Variants in SH3PXD2A observed in about 807,000 individuals in gnomAD.
SH3PXD2A encodes the protein SH3 and PX domain-containing protein 2A.
Under a neutral mutation model 115.2 loss-of-function variants are expected in SH3PXD2A, and 32 were observed. The observed-to-expected ratio is 0.28, with a 90% CI of 0.21 to 0.37. The LOEUF is 0.37. Among genes scored for constraint, SH3PXD2A ranks in the 10% least tolerant of loss-of-function variants. The pLI, the probability that SH3PXD2A is intolerant of heterozygous loss-of-function variation, is 1.00. For missense variants in SH3PXD2A, 1,328 were observed against 1,498.7 expected (o/e 0.89, Z 1.88); for synonymous variants, 610 against 629.1 (o/e 0.97, Z 0.45).
chr10:103,653,649 C>T (rs1217231574), intron 8 of SH3PXD2A, among the ~76,000 whole-genome samples: 1 of 152,186 alleles, frequency 6.6e-6, no homozygotes, highest in Non-Finnish European at 1.5e-5. Context: ...GGAGGGAGCA[C>T]CCCCATGCTC....
At chr10:103,822,551 G>C (rs374139509) in intron 1 of SH3PXD2A, among the ~76,000 whole-genome samples, 78 of 152,338 alleles carry the variant, frequency 5.1e-4, no homozygotes, top group African/African-American at 1.4e-3. Flanking sequence ...GCATGGTGGG[G>C]GGGGAGCAGC....
At chr10:103,803,071 G>C (rs1025541930) in intron 1 of SH3PXD2A, among the ~76,000 whole-genome samples, 1 of 152,198 alleles carries the variant, frequency 6.6e-6, no homozygotes, top group Non-Finnish European at 1.5e-5. Context: ...TGGCTGCTCC[G>C]GTGATACACA....
intron 2 of SH3PXD2A, among the ~76,000 whole-genome samples, chr10:103,792,488 C>T (rs552620552): frequency 5.9e-5 from 9 of 152,166 alleles, no homozygotes; most frequent in Non-Finnish European, 1.2e-4. Context: ...ACCTGTCTGG[C>T]GTCTCTGTGC....
chr10:103,629,883 G>A (rs538635434), intron 8 of SH3PXD2A, among the ~76,000 whole-genome samples: 1 of 152,240 alleles, frequency 6.6e-6, no homozygotes, highest in Non-Finnish European at 1.5e-5. Context: ...CTGGGGAGAG[G>A]AGGGGAGGAG....
intron 8 of SH3PXD2A, among the ~76,000 whole-genome samples, chr10:103,642,352 A>C (rs183040282): frequency 6.6e-6 from 1 of 152,198 alleles, no homozygotes; most frequent in African/African-American, 2.4e-5. Flanking sequence ...TTTGCTAGAC[A>C]GGGGTTAAAG....
intron 3 of SH3PXD2A, among the ~76,000 whole-genome samples, chr10:103,763,592 T>G (rs1338449969): frequency 2.0e-5 from 3 of 152,194 alleles, no homozygotes; most frequent in Non-Finnish European, 4.4e-5. Context: ...ACACCCTCCC[T>G]AGAGGCAAGG....
At chr10:103,695,794 T>A (rs984431959) in intron 5 of SH3PXD2A, among the ~76,000 whole-genome samples, 1 of 152,228 alleles carries the variant, frequency 6.6e-6, no homozygotes, top group Admixed American at 6.5e-5. Flanking sequence ...AACGTGCTTG[T>A]AGTGCTGAAG....
chr10:103,605,857 C>T lies in SH3PXD2A; in HGVS notation c.1369G>A (p.Ala457Thr), dbSNP rs948607166. ...TCGGAAATGCACGACTGGAATTCGG[C>T]AATGGTGTAGTACTCCACCTCAACA... The part of the protein sequence containing the change: ...PSVEVEYYTI[A>T]EFQSCISDGI... Residue 457 changes from alanine to threonine, a missense_variant, in exon 14 of 15, where the codon GCC becomes ACC. Transcript: ENST00000369774. 6.2e-7 allele frequency: 1 copy of T among 1,612,618 alleles called. No homozygotes were observed. Among genetic ancestry groups the T allele is most frequent in the Non-Finnish European group, 8.5e-7 (1 of 1,178,670 alleles).
chr10:103,647,731 C>G (rs2037055950), intron 8 of SH3PXD2A, among the ~76,000 whole-genome samples: 1 of 152,160 alleles, frequency 6.6e-6, no homozygotes, highest in Non-Finnish European at 1.5e-5. Context: ...AAGGAGCAGC[C>G]AGTTAAAATC....
At chr10:103,645,031 G>A (rs1242207277) in intron 8 of SH3PXD2A, among the ~76,000 whole-genome samples, 3 of 152,132 alleles carry the variant, frequency 2.0e-5, no homozygotes, top group South Asian at 4.1e-4. Flanking sequence ...CCCAGGCCCC[G>A]TCCTTCAAAG....
intron 2 of SH3PXD2A, among the ~76,000 whole-genome samples, chr10:103,770,812 A>AT (rs2038809538): frequency 6.6e-6 from 1 of 152,090 alleles, no homozygotes; most frequent in South Asian, 2.1e-4. Flanking sequence ...CTACTGTTGG[A>AT]TATTTAGGTT....
At position 103,594,416 on chromosome 10, in the gene SH3PXD2A, G is replaced by A. The variant is rs2036106133; in HGVS notation, c.*7400C>T. ...GGAAAGAAGGAAAACCTGGAGGAAG[G>A]GCTCCTCCTGACCCCACAGAGCCCA... On this transcript the variant is annotated 3_prime_UTR_variant, in exon 15 of 15. Coordinates refer to ENST00000369774, the MANE Select transcript of SH3PXD2A (RefSeq NM_001394015.1). 6.6e-6 allele frequency: 1 copy of A among 152,436 alleles called. No individual in the cohort carries two copies. The allele number at this position is 152,436 out of a possible 1,614,324, so 9.4% of individuals were successfully genotyped here.
At position 103,603,383 on chromosome 10, in the gene SH3PXD2A, A is replaced by G. The variant is rs2036250298; in HGVS notation, c.1835T>C (p.Val612Ala). The G allele has an allele frequency of 6.2e-7, 1 of 1,614,172 alleles. No individual in the cohort carries two copies. The highest frequency in any genetic ancestry group is 8.5e-7 in the Non-Finnish European group (1 of 1,180,024). ...RFKVGESSED[V>A]ALEEETIYEN... is the part of the protein sequence containing the mutation. ...ATAGATGGTCTCCTCTTCCAGGGCC[A>G]CATCCTCTGAAGACTCACCCACCTT... The change falls in exon 15 of 15, where the codon GTG (valine) becomes GCG (alanine). Residue 612 changes from valine (V) to alanine (A), a missense_variant. Val to Ala is a moderately conservative substitution (Grantham distance 64). Coordinates refer to ENST00000369774, the MANE Select transcript of SH3PXD2A (RefSeq NM_001394015.1).
Position 103,748,747 on chromosome 10 carries a change from G to GC in SH3PXD2A, c.230-12940dup, listed in dbSNP as rs749060196. Among the ~76,000 whole-genome samples the GC allele has an allele frequency of 9.4e-4, 143 of 152,270 alleles. No homozygotes were observed. The Middle Eastern group carries it at 0.01, about 11-fold the overall frequency. ...GCTGAAGGGAGTCCAGTGGGTACGT[G>GC]CATCAGGACGCATGCTGGGAGGTCC... On this transcript the variant is annotated intron_variant, in intron 3 of 14. Transcript: ENST00000369774.
At chr10:103,736,754 G>A (rs775488602) in intron 3 of SH3PXD2A, 4 of 1,288,852 alleles carry the variant, frequency 3.1e-6, no homozygotes, top group Non-Finnish European at 4.0e-6. Context: ...TGGGGCCCAT[G>A]AGCTTGGCAC....
intron 2 of SH3PXD2A, among the ~76,000 whole-genome samples, chr10:103,777,350 G>C (rs1206474245): frequency 6.6e-6 from 1 of 152,250 alleles, no homozygotes; most frequent in East Asian, 1.9e-4. Context: ...ACTGAGAGGG[G>C]TGGATGGGTC....
At chr10:103,608,486 C>A (rs1025559192) in intron 13 of SH3PXD2A, 4 of 148,226 alleles carry the variant, frequency 2.7e-5, no homozygotes, top group Admixed American at 2.7e-4. Context: ...AGAATTTCAT[C>A]GAATTTACAG....
rs1417640100 is a variant in SH3PXD2A at position 103,855,537 on chromosome 10, C to G, written c.-271G>C. On this transcript the variant is annotated 5_prime_UTR_variant, in exon 1 of 15. Coordinates refer to ENST00000369774, the MANE Select transcript of SH3PXD2A (RefSeq NM_001394015.1). ...GCGCGGCCGCCGCGCTGCGCTCGCC[C>G]GCTCGCTCTCTCCGCCGCCCGGTGG... 6.6e-6 allele frequency: 1 copy of G among 151,014 alleles called. No homozygotes were observed. Among genetic ancestry groups the G allele is most frequent in the Admixed American group, 6.6e-5 (1 of 15,186 alleles). The allele number at this position is 151,014 out of a possible 1,614,324, so 9.4% of individuals were successfully genotyped here. A position where few individuals can be genotyped will look rare whatever the true frequency, so the allele number is the denominator to read the frequency against.
rs1268109213 is a variant in SH3PXD2A, at chr10:103,693,076, A to G, written c.399-20T>C. 5 of 1,612,610 alleles carry G rather than the reference A, an allele frequency of 3.1e-6. No individual in the cohort carries two copies. In the African/African-American group the frequency reaches 4.0e-5, roughly 13 times the overall value. On this transcript the variant is annotated intron_variant, in intron 5 of 14. Transcript: ENST00000369774. Reference sequence around the variant, plus strand: ...TAGTCCCTGAAAAAGAAGCAACAACAGATAGACATGGTTAGGGCCGGGCGC... The same window carrying G: ...TAGTCCCTGAAAAAGAAGCAACAACGGATAGACATGGTTAGGGCCGGGCGC...
Sources: allele counts gnomAD v4.1 joint callset (sites outside exome capture counted in the v4.1 genomes callset), GRCh38; gene constraint gnomAD v4.1.1; transcripts MANE v1.5; gene names NCBI Gene and HGNC (gene_info 2026-07-23, HGNC 2026-07-21).